Variants in DTD1 observed in about 807,000 individuals in gnomAD.
DTD1 encodes D-tyrosyl-tRNA deacylase 1 homolog.
DTD1 carries 13 observed loss-of-function variants against 25.6 expected under a neutral mutation model. The ratio of observed to expected loss-of-function variants is 0.51; its 90% confidence interval spans 0.33 to 0.81. The LOEUF (loss-of-function observed/expected upper bound fraction) is 0.81. Ranked by LOEUF, DTD1 falls within the 30% of genes least tolerant of loss-of-function variation. The pLI is 0.02. For missense variants in DTD1, 193 were observed against 266.4 expected, an observed-to-expected ratio of 0.72 and a Z score of 1.92; for synonymous variants, 110 against 103.6, an observed-to-expected ratio of 1.06 and a Z score of -0.37.
Position 18,683,805 on chromosome 20 carries a change from T to G in DTD1, c.477+55572T>G, listed in dbSNP as rs531165157. Among the ~76,000 whole-genome samples, 193 of 152,340 alleles carry G rather than the reference T, an allele frequency of 1.3e-3. 1 individual carries two copies. The highest frequency in any genetic ancestry group is 4.5e-3 in the African/African-American group (189 of 41,588). ...TGCTCCAGAATTCGAGCAAGCTGAC[T>G]GGGCGCCGTGCTTCTTGCTTGATTC... is the stretch of plus-strand genomic sequence containing the variant. On this transcript the variant is annotated intron_variant, in intron 4 of 5. Coordinates refer to ENST00000377452, the MANE Select transcript of DTD1 (RefSeq NM_080820.6).
intron 4 of DTD1, among the ~76,000 whole-genome samples, chr20:18,639,927 G>T (rs913894186): frequency 6.6e-6 from 1 of 152,104 alleles, no homozygotes; most frequent in African/African-American, 2.4e-5. Flanking sequence ...ACTGCAGAGG[G>T]AGGGCAAAGG....
intron 4 of DTD1, among the ~76,000 whole-genome samples, chr20:18,663,642 G>A (rs6035098): frequency 0.14 from 21,946 of 152,134 alleles, 1,693 homozygotes; most frequent in Admixed American, 0.2. Flanking sequence ...AGAGTAACAT[G>A]CTGTATTAGT....
chr20:18,762,943 CT>C (rs1393349444), intron 5 of DTD1, among the ~76,000 whole-genome samples: 1 of 152,008 alleles, frequency 6.6e-6, no homozygotes, highest in African/African-American at 2.4e-5. Context: ...TAACCTTTTT[CT>C]TTTGTAATAT....
At chr20:18,634,399 T>G (rs1319359011) in intron 4 of DTD1, among the ~76,000 whole-genome samples, 2 of 152,204 alleles carry the variant, frequency 1.3e-5, no homozygotes, top group Non-Finnish European at 2.9e-5. Flanking sequence ...TTATTTACAT[T>G]CTCATTTATT....
chr20:18,734,377 G>C (rs2061248607), intron 4 of DTD1, among the ~76,000 whole-genome samples: 1 of 152,192 alleles, frequency 6.6e-6, no homozygotes, highest in Non-Finnish European at 1.5e-5. Context: ...ATGGTCATTG[G>C]GCTGGCCAGT....
chr20:18,615,594 G>C (rs1166691804), intron 3 of DTD1, among the ~76,000 whole-genome samples: 2 of 152,222 alleles, frequency 1.3e-5, no homozygotes, highest in African/African-American at 4.8e-5. Context: ...AAATGGAATA[G>C]TGGAGAAGGG....
intron 5 of DTD1, among the ~76,000 whole-genome samples, chr20:18,762,100 TGGGCA>T (rs770232865): frequency 5.3e-5 from 8 of 152,208 alleles, no homozygotes; most frequent in Non-Finnish European, 8.8e-5. Context: ...GCTATCCAGC[TGGGCA>T]GGGGAATGAG....
intron 5 of DTD1, among the ~76,000 whole-genome samples, chr20:18,757,892 A>G (rs1600226326): frequency 6.6e-6 from 1 of 152,192 alleles, no homozygotes; most frequent in Non-Finnish European, 1.5e-5. Flanking sequence ...CTGTGAATCC[A>G]TCTGGTCCTG....
intron 4 of DTD1, among the ~76,000 whole-genome samples, chr20:18,644,238 ATC>A (rs55989503): frequency 0.84 from 127,784 of 151,536 alleles, 54,661 homozygotes; most frequent in Non-Finnish European, 0.93. Context: ...AACATACTAG[ATC>A]TGTACAGAGA....
rs557649274 is a variant in DTD1, at chr20:18,755,952, T to C, written c.*20-7408T>C. 2.6e-5 allele frequency among the ~76,000 whole-genome samples: 4 copies of C among 152,360 alleles called. No homozygotes were observed. In the East Asian group the frequency reaches 5.8e-4, roughly 22 times the overall value. The stretch of plus-strand genomic sequence containing the variant: ...CCCCTGTCGTTTCCTGACTTTTGAA[T>C]GATCACCATTCTAACTGGTGTGAGA... On this transcript the variant is annotated intron_variant, in intron 5 of 5. Transcript: ENST00000377452.
At chr20:18,632,328 CCT>C in intron 4 of DTD1, 2 of 985,426 alleles carry the variant, frequency 2.0e-6, no homozygotes, top group Non-Finnish European at 2.4e-6. Flanking sequence ...GGACCAGTTT[CCT>C]GGCCCCCAGA....
intron 4 of DTD1, among the ~76,000 whole-genome samples, chr20:18,664,322 A>G (rs1198483664): frequency 1.3e-5 from 2 of 152,250 alleles, no homozygotes; most frequent in Non-Finnish European, 2.9e-5. Context: ...GAATAATACA[A>G]TGAATGCCTG....
rs1239476222 is a variant in DTD1, at chr20:18,766,160, T to C, written c.*2820T>C. The C allele has an allele frequency of 1.3e-5, 2 of 152,200 alleles. No individual in the cohort carries two copies. The highest frequency in any genetic ancestry group is 2.9e-5 in the Non-Finnish European group (2 of 68,040). 9.4% of individuals were successfully genotyped at this position (152,200 alleles called of 1,614,324 possible). A position where few individuals can be genotyped will look rare whatever the true frequency, so the allele number is the denominator to read the frequency against. ...TGGCTCAGATGGGTGCCAGCTGGCA[T>C]ATATATGGACAATTTGGCATTTCAT... is the stretch of plus-strand genomic sequence containing the variant. On this transcript the variant is annotated 3_prime_UTR_variant, in exon 6 of 6. Transcript: ENST00000377452.
intron 4 of DTD1, among the ~76,000 whole-genome samples, chr20:18,650,799 T>C (rs1322777794): frequency 6.6e-6 from 1 of 152,160 alleles, no homozygotes; most frequent in Non-Finnish European, 1.5e-5. Flanking sequence ...TCTCAGCAGG[T>C]AGTAATTGGG....
intron 4 of DTD1, among the ~76,000 whole-genome samples, chr20:18,742,131 T>C (rs2061280716): frequency 6.6e-6 from 1 of 152,134 alleles, no homozygotes; most frequent in African/African-American, 2.4e-5. Context: ...CTAATGTTGA[T>C]GGACATTTGG....
At chr20:18,750,515 G>A (rs1024207529) in intron 5 of DTD1, among the ~76,000 whole-genome samples, 1 of 152,206 alleles carries the variant, frequency 6.6e-6, no homozygotes, top group African/African-American at 2.4e-5. Flanking sequence ...AAAATTGAAT[G>A]AGAAACTGCA....
chr20:18,753,607 C>CAAA (rs58081760), intron 5 of DTD1, among the ~76,000 whole-genome samples: 3 of 65,362 alleles, frequency 4.6e-5, no homozygotes, highest in African/African-American at 1.3e-4. Flanking sequence ...AACTCTGTCT[C>CAAA]AAAAAAAAAA....
At chr20:18,665,417 C>T (rs1208287418) in intron 4 of DTD1, among the ~76,000 whole-genome samples, 1 of 152,212 alleles carries the variant, frequency 6.6e-6, no homozygotes, top group Non-Finnish European at 1.5e-5. Flanking sequence ...CTTCAGGTAT[C>T]CCCTTGAGGA....
chr20:18,761,064 G>T (rs2061360431), intron 5 of DTD1, among the ~76,000 whole-genome samples: 1 of 152,180 alleles, frequency 6.6e-6, no homozygotes, highest in Non-Finnish European at 1.5e-5. Flanking sequence ...CTGGTGTGCC[G>T]TTTGCTAAGA....
Sources: allele counts gnomAD v4.1 joint callset (sites outside exome capture counted in the v4.1 genomes callset), GRCh38; gene constraint gnomAD v4.1.1; transcripts MANE v1.5; gene names NCBI Gene and HGNC (gene_info 2026-07-23, HGNC 2026-07-21).